SLC6A11: variants seen among roughly 807,000 people sequenced by gnomAD.
The protein encoded by SLC6A11 is solute carrier family 6 member 11.
A neutral mutation model predicts 74.8 loss-of-function variants in SLC6A11; 25 were observed. That is an observed-to-expected ratio of 0.33 (90% CI 0.24 to 0.47). The LOEUF (loss-of-function observed/expected upper bound fraction) is 0.47, where lower values mean the gene tolerates loss of function less well. Ranked by LOEUF, SLC6A11 falls within the 20% of genes least tolerant of loss-of-function variation. The pLI is 1.00. For synonymous variants in SLC6A11, 330 were observed against 330.2 expected, an observed-to-expected ratio of 1.00 and a Z score of 0.01; for missense variants, 574 against 837.0, an observed-to-expected ratio of 0.69 and a Z score of 3.88.
chr3:10,877,090 G>A (rs1575686123), intron 6 of SLC6A11, among the ~76,000 whole-genome samples: 1 of 152,260 alleles, frequency 6.6e-6, no homozygotes, highest in East Asian at 1.9e-4. Flanking sequence ...TGGCCTTCAG[G>A]TCACATCCAG....
chr3:10,901,286 T>C (rs1695236975), intron 6 of SLC6A11, among the ~76,000 whole-genome samples: 1 of 152,234 alleles, frequency 6.6e-6, no homozygotes, highest in Non-Finnish European at 1.5e-5. Flanking sequence ...CCATCTGCCC[T>C]ATGCACTCTC....
chr3:10,822,238 C>T (rs894376384), intron 3 of SLC6A11, among the ~76,000 whole-genome samples: 1 of 152,322 alleles, frequency 6.6e-6, no homozygotes, highest in South Asian at 2.1e-4. Flanking sequence ...CGGGCTCCTG[C>T]TCCGTGCTGG....
intron 6 of SLC6A11, among the ~76,000 whole-genome samples, chr3:10,885,127 C>T (rs927938420): frequency 1.3e-5 from 2 of 152,182 alleles, no homozygotes; most frequent in Admixed American, 6.5e-5. Context: ...GATCCTGGAT[C>T]GTACAACCTT....
chr3:10,933,174 C>T lies in SLC6A11; in HGVS notation c.1395C>T (p.Leu465=). The T allele has an allele frequency of 6.2e-7, 1 of 1,614,056 alleles. No individual in the cohort carries two copies. Among genetic ancestry groups the T allele is most frequent in the Non-Finnish European group, 8.5e-7 (1 of 1,179,936 alleles). Residue 465 remains leucine (L), a synonymous_variant, in exon 11 of 14, where the codon CTC becomes CTT. Transcript: ENST00000254488. ...LTEGGMYIFQ[L]FDSYAASGMC... ...AGGGTGGCATGTACATCTTCCAGCT[C>T]TTTGACTCCTATGCCGCCAGTGGGA...
rs142033003 is a variant in SLC6A11, at chr3:10,835,964, A to G, written c.624-8250A>G. 2.6e-5 allele frequency among the ~76,000 whole-genome samples: 4 copies of G among 152,338 alleles called. No individual in the cohort carries two copies. The East Asian group carries it at 7.7e-4, about 29-fold the overall frequency. On this transcript the variant is annotated intron_variant, in intron 4 of 13. Transcript: ENST00000254488. ...TACCAAGTGTGAAGCCATCACCACA[A>G]TATAAGTTTAGAACATTTATATCCT...
chr3:10,859,815 A>G (rs1254683772), intron 5 of SLC6A11, among the ~76,000 whole-genome samples: 1 of 152,198 alleles, frequency 6.6e-6, no homozygotes, highest in Non-Finnish European at 1.5e-5. Flanking sequence ...TTCAATTAAG[A>G]ACATTTACCA....
At chr3:10,913,104 G>C (rs985236960) in intron 7 of SLC6A11, among the ~76,000 whole-genome samples, 1 of 147,126 alleles carries the variant, frequency 6.8e-6, no homozygotes, top group African/African-American at 2.5e-5. Flanking sequence ...TAAGTATTTT[G>C]GGGAAATCAT....
At chr3:10,869,970 G>A (rs1317166301) in intron 5 of SLC6A11, among the ~76,000 whole-genome samples, 1 of 152,184 alleles carries the variant, frequency 6.6e-6, no homozygotes, top group Non-Finnish European at 1.5e-5. Context: ...ACCTAACTCT[G>A]AGCATACCTG....
chr3:10,909,744 G>C (rs933488918), intron 6 of SLC6A11, among the ~76,000 whole-genome samples: 1 of 152,166 alleles, frequency 6.6e-6, no homozygotes, highest in East Asian at 1.9e-4. Context: ...TTTTTGCTTC[G>C]CCATGTGGCT....
intron 6 of SLC6A11, among the ~76,000 whole-genome samples, chr3:10,904,039 T>G (rs1322306337): frequency 6.6e-6 from 1 of 152,256 alleles, no homozygotes; most frequent in East Asian, 1.9e-4. Context: ...GGGATGATGA[T>G]GCTCACCTCA....
intron 6 of SLC6A11, among the ~76,000 whole-genome samples, chr3:10,910,810 T>G (rs1695375971): frequency 6.9e-6 from 1 of 144,752 alleles, no homozygotes; most frequent in Admixed American, 7.5e-5. Context: ...CCACATAGGG[T>G]TGCTGTGAAT....
intron 6 of SLC6A11, among the ~76,000 whole-genome samples, chr3:10,909,227 AG>A (rs1209461135): frequency 1.3e-5 from 2 of 152,002 alleles, no homozygotes; most frequent in East Asian, 3.9e-4. Flanking sequence ...TCATGTGGCC[AG>A]CCCTGAATCT....
intron 8 of SLC6A11, among the ~76,000 whole-genome samples, chr3:10,919,634 C>T (rs960169751): frequency 1.3e-5 from 2 of 152,218 alleles, no homozygotes; most frequent in Admixed American, 1.3e-4. Flanking sequence ...GTCCACCTTG[C>T]TCTTGGTCAT....
intron 5 of SLC6A11, among the ~76,000 whole-genome samples, chr3:10,857,567 G>T (rs185414580): frequency 6.6e-6 from 1 of 152,248 alleles, no homozygotes; most frequent in Admixed American, 6.5e-5. Flanking sequence ...AATTCACTCG[G>T]CTGAAGCCAG....
chr3:10,870,818 G>C (rs1287936027), intron 5 of SLC6A11, among the ~76,000 whole-genome samples: 1 of 152,162 alleles, frequency 6.6e-6, no homozygotes, highest in Non-Finnish European at 1.5e-5. Flanking sequence ...TCAAACCTCA[G>C]CTTACAAATG....
intron 7 of SLC6A11, among the ~76,000 whole-genome samples, chr3:10,917,374 C>T (rs1202005654): frequency 6.6e-6 from 1 of 152,212 alleles, no homozygotes; most frequent in East Asian, 1.9e-4. Flanking sequence ...CAGAGGTCAG[C>T]CGGCCACCCG....
chr3:10,880,792 C>G (rs1694966690), intron 6 of SLC6A11, among the ~76,000 whole-genome samples: 1 of 152,066 alleles, frequency 6.6e-6, no homozygotes, highest in South Asian at 2.1e-4. Flanking sequence ...AACATGTGTC[C>G]CATTCATCTA....
intron 8 of SLC6A11, among the ~76,000 whole-genome samples, chr3:10,920,929 C>T (rs1481681887): frequency 6.6e-6 from 1 of 152,196 alleles, no homozygotes. Flanking sequence ...GGAGAAAATG[C>T]AAGTTACAGC....
At chr3:10,912,049 C>A in intron 6 of SLC6A11, 41 bp from the exon 7 acceptor site, 1 of 1,368,914 alleles carries the variant, frequency 7.3e-7, no homozygotes, top group Non-Finnish European at 1.0e-6. Context: ...CACCACACAT[C>A]TGACTTCTGT....
Sources: gnomAD v4.1 joint callset for allele counts (sites outside exome capture counted in the v4.1 genomes callset) on GRCh38, gnomAD v4.1.1 for gene constraint, MANE v1.5 for transcripts, NCBI Gene and HGNC (gene_info 2026-07-23, HGNC 2026-07-21) for gene names.